Variants in CLNK observed in about 807,000 individuals in gnomAD.
CLNK encodes cytokine-dependent hematopoietic cell linker.
Under a neutral mutation model 68.6 loss-of-function variants are expected in CLNK, and 74 were observed. That is an observed-to-expected ratio of 1.08 (90% confidence interval 0.89 to 1.31). CLNK has a LOEUF of 1.31. Ranked by LOEUF, CLNK falls within the 50% of genes most tolerant of loss-of-function variation. The pLI is 0.00. For synonymous variants in CLNK, 198 were observed against 172.2 expected, an observed-to-expected ratio of 1.15 and a Z score of -1.17; for missense variants, 553 against 515.3, an observed-to-expected ratio of 1.07 and a Z score of -0.71.
At chr4:10,563,057 A>G (rs1292308343) in intron 7 of CLNK, among the ~76,000 whole-genome samples, 1 of 152,208 alleles carries the variant, frequency 6.6e-6, no homozygotes, top group Non-Finnish European at 1.5e-5. Flanking sequence ...TTGATTTTTC[A>G]TCACTCGTCT....
chr4:10,543,518 G>A (rs951302581), intron 8 of CLNK, among the ~76,000 whole-genome samples: 4 of 152,148 alleles, frequency 2.6e-5, no homozygotes, highest in African/African-American at 4.8e-5. Context: ...TCCCCTGGAA[G>A]TCCCGTGGTG....
At chr4:10,532,361 A>T in intron 11 of CLNK, 78 bp from the exon 12 acceptor site, 2 of 1,173,190 alleles carry the variant, frequency 1.7e-6, no homozygotes, top group Non-Finnish European at 2.5e-6. Context: ...AGCCTTACAA[A>T]CCTTTCATTA....
chr4:10,728,724 G>A, the CLNK span, among the ~76,000 whole-genome samples: 2 of 151,526 alleles, frequency 1.3e-5, no homozygotes, highest in Non-Finnish European at 2.9e-5. Context: ...GAATAGCAGG[G>A]ACTACAGGCG....
chr4:10,642,143 TAAATC>T (rs1723331107), intron 2 of CLNK, among the ~76,000 whole-genome samples: 3 of 152,176 alleles, frequency 2.0e-5, no homozygotes, highest in African/African-American at 4.8e-5. Context: ...GGCAAAGGCA[TAAATC>T]AAAGTAAAAA....
intron 2 of CLNK, among the ~76,000 whole-genome samples, chr4:10,608,248 A>G (rs1721861867): frequency 6.6e-6 from 1 of 152,188 alleles, no homozygotes; most frequent in African/African-American, 2.4e-5. Context: ...TTTGCAACCT[A>G]CAGTCCACGC....
chr4:10,558,607 A>G (rs1719768461), intron 7 of CLNK, among the ~76,000 whole-genome samples, 155 bp from the exon 8 acceptor site: 1 of 152,210 alleles, frequency 6.6e-6, no homozygotes, highest in Non-Finnish European at 1.5e-5. Context: ...ACAAACATGT[A>G]TAAATACATG....
At chr4:10,535,119 C>A (rs546842901) in intron 11 of CLNK, among the ~76,000 whole-genome samples, 6 of 151,734 alleles carry the variant, frequency 4.0e-5, no homozygotes, top group Non-Finnish European at 5.9e-5. Context: ...GAGGATAAGG[C>A]GGGCGGACTG....
intron 6 of CLNK, 30 bp from the exon 7 acceptor site, chr4:10,564,807 A>T: frequency 7.6e-7 from 1 of 1,320,764 alleles, no homozygotes; most frequent in Non-Finnish European, 1.1e-6. Flanking sequence ...TGAAAGTCAT[A>T]CCTTACGTGG....
At chr4:10,617,775 A>G (rs1488648656) in intron 2 of CLNK, among the ~76,000 whole-genome samples, 1 of 152,240 alleles carries the variant, frequency 6.6e-6, no homozygotes, top group Non-Finnish European at 1.5e-5. Flanking sequence ...TGGCAGGCTC[A>G]TTTTGTGGTT....
chr4:10,581,547 C>T (rs898455826), intron 4 of CLNK, among the ~76,000 whole-genome samples: 1 of 152,170 alleles, frequency 6.6e-6, no homozygotes, highest in African/African-American at 2.4e-5. Context: ...GCATAATGTT[C>T]TAAGTAGGTG....
chr4:10,658,344 A>G (rs1724059446), intron 2 of CLNK, among the ~76,000 whole-genome samples: 1 of 152,200 alleles, frequency 6.6e-6, no homozygotes, highest in African/African-American at 2.4e-5. Flanking sequence ...GCATGAAGCA[A>G]TGATTGTGAT....
intron 15 of CLNK, among the ~76,000 whole-genome samples, chr4:10,515,013 G>A (rs548574821): frequency 7.2e-5 from 11 of 152,210 alleles, no homozygotes; most frequent in Admixed American, 2.6e-4. Flanking sequence ...GAGGCGGGTC[G>A]GATCACCTGA....
intron 4 of CLNK, 103 bp downstream of exon 4, chr4:10,584,824 G>T: frequency 1.7e-6 from 2 of 1,184,844 alleles, no homozygotes; most frequent in Non-Finnish European, 2.5e-6. Context: ...TTTCAAATAG[G>T]CCATAGTTTT....
At chr4:10,504,189 C>T (rs1373974070) in intron 17 of CLNK, among the ~76,000 whole-genome samples, 2 of 135,274 alleles carry the variant, frequency 1.5e-5, no homozygotes, top group African/African-American at 2.9e-5. Context: ...GGCTCAATCT[C>T]GGCTCACTGC....
In CLNK at chr4:10,680,221, C is replaced by T. The variant is rs186629549; in HGVS notation, c.-43+4447G>A. On this transcript the variant is annotated intron_variant, in intron 1 of 18. Coordinates refer to ENST00000226951, the MANE Select transcript of CLNK (RefSeq NM_052964.4). ...GATGAGTTCATGTCCTTTGTAGGGA[C>T]ATGGATGAAGCTGGAAACCATCATT... Among the ~76,000 whole-genome samples the T allele has an allele frequency of 3.8e-3, 574 of 151,954 alleles. 4 individuals are homozygous for T. The highest frequency in any genetic ancestry group is 0.012 in the African/African-American group (507 of 41,428).
rs955465943 is a variant in CLNK, at chr4:10,489,116, G to T, written c.*1351C>A. 6.6e-6 allele frequency: 1 copy of T among 151,532 alleles called. No individual in the cohort carries two copies. Among genetic ancestry groups the T allele is most frequent in the African/African-American group, 2.4e-5 (1 of 41,166 alleles). The allele number at this position is 151,532 out of a possible 1,614,324, so 9.4% of individuals were successfully genotyped here. A position where few individuals can be genotyped will look rare whatever the true frequency, so the allele number is the denominator to read the frequency against. On this transcript the variant is annotated 3_prime_UTR_variant, in exon 19 of 19. Coordinates refer to ENST00000226951, the MANE Select transcript of CLNK (RefSeq NM_052964.4). Reference sequence around the variant, plus strand: ...CAACTTGATTGTAAAATGTCACAGCGCAGAGAATGTACCTGGGAAGATGAG... The same window carrying T: ...CAACTTGATTGTAAAATGTCACAGCTCAGAGAATGTACCTGGGAAGATGAG...
intron 2 of CLNK, among the ~76,000 whole-genome samples, chr4:10,644,114 G>A (rs1230677671): frequency 6.6e-6 from 1 of 152,222 alleles, no homozygotes; most frequent in Non-Finnish European, 1.5e-5. Flanking sequence ...CTGAGGGGCG[G>A]AGCCTCGTGG....
chr4:10,573,406 T>G (rs371911760), intron 4 of CLNK, among the ~76,000 whole-genome samples: 1 of 152,176 alleles, frequency 6.6e-6, no homozygotes. Flanking sequence ...CAGCCCATCC[T>G]TGGGGTTGGA....
Position 10,620,060 on chromosome 4 carries a change from T to C in CLNK, c.12-22011A>G, listed in dbSNP as rs182549095. Among the ~76,000 whole-genome samples, 40 of 152,324 alleles carry C rather than the reference T, an allele frequency of 2.6e-4. No individual in the cohort carries two copies. The East Asian group carries it at 4.4e-3, about 17-fold the overall frequency. On this transcript the variant is annotated intron_variant, in intron 2 of 18. Transcript: ENST00000226951. ...AGACTGGATAGTCCCTTCCTTTCTC[T>C]GCTCTTCACGGCCAAGTGAGAAATT...
Sources: allele counts gnomAD v4.1 joint callset (sites outside exome capture counted in the v4.1 genomes callset), GRCh38; gene constraint gnomAD v4.1.1; transcripts MANE v1.5; gene names NCBI Gene and HGNC (gene_info 2026-07-23, HGNC 2026-07-21).